The following ZNF251 variants were observed in gnomAD, a reference collection of about 807,000 sequenced individuals.
ZNF251 encodes zinc finger protein 251.
Under a neutral mutation model 13.5 loss-of-function variants are expected in ZNF251, and 14 were observed. The observed-to-expected ratio is 1.04, with a 90% CI of 0.69 to 1.63. The LOEUF is 1.63. Among genes scored for constraint, ZNF251 ranks in the 40% most tolerant of loss-of-function variants. The pLI is 0.00. For missense variants in ZNF251, 764 were observed against 834.9 expected (o/e 0.92, Z 1.05); for synonymous variants, 287 against 295.2 (o/e 0.97, Z 0.28).
rs1052917152 is a variant in ZNF251 at position 144,755,412 on chromosome 8, C to G, written c.-83G>C. On this transcript the variant is annotated 5_prime_UTR_variant, in exon 1 of 5. Coordinates refer to ENST00000292562, the MANE Select transcript of ZNF251 (RefSeq NM_138367.2). ...GGTCCGACACTGCCCCACCTGTTTG[C>G]TCGACCCGGGGAAGCCACCGAGGAA... The G allele has an allele frequency of 1.6e-5, 20 of 1,288,358 alleles. No individual in the cohort carries two copies. The African/African-American group carries it at 2.9e-4, about 19-fold the overall frequency. The allele number at this position is 1,288,358 out of a possible 1,614,324, so 79.8% of individuals were successfully genotyped here.
chr8:144,737,704 C>T (rs1045843359), intron 4 of ZNF251, among the ~76,000 whole-genome samples: 5 of 146,584 alleles, frequency 3.4e-5, no homozygotes, highest in Admixed American at 6.9e-5. Flanking sequence ...TGGTGGCAGG[C>T]GCCTGTAGTC....
intron 4 of ZNF251, among the ~76,000 whole-genome samples, chr8:144,740,713 T>G (rs1824119033): frequency 6.6e-6 from 1 of 151,556 alleles, no homozygotes; most frequent in Admixed American, 6.6e-5. Context: ...GCGGGCAGAT[T>G]GCCTAAGCTC....
intron 4 of ZNF251, among the ~76,000 whole-genome samples, chr8:144,749,675 A>G (rs1220736313): frequency 6.6e-6 from 1 of 151,842 alleles, no homozygotes; most frequent in Admixed American, 6.6e-5. Flanking sequence ...CTTTTTTAGC[A>G]TATCAACTAT....
chr8:144,723,156 A>T lies in ZNF251; in HGVS notation c.504T>A (p.Ala168=), dbSNP rs1383342299. The change falls in exon 5 of 5, where the codon GCT becomes GCA. Residue 168 remains alanine (A), a synonymous_variant. Transcript: ENST00000292562. Reference sequence around the variant, plus strand: ...CCAAAGATCTTTCCCTGCCCACGGTAGCTTCTGTTAAAACTCTCTTGTGAA... The same window carrying T: ...CCAAAGATCTTTCCCTGCCCACGGTTGCTTCTGTTAAAACTCTCTTGTGAA... ...PNIHKRVLTE[A]TVGRERSLGE... is the part of the protein sequence containing the mutation. 1 of 1,612,872 alleles carries T rather than the reference A, an allele frequency of 6.2e-7. No individual in the cohort carries two copies. Among genetic ancestry groups the T allele is most frequent in the Non-Finnish European group, 8.5e-7 (1 of 1,179,354 alleles).
At chr8:144,741,006 T>C (rs949689493) in intron 4 of ZNF251, among the ~76,000 whole-genome samples, 1 of 152,036 alleles carries the variant, frequency 6.6e-6, no homozygotes, top group Admixed American at 6.6e-5. Context: ...TAAAACTGCA[T>C]TTTCAAGGAC....
At chr8:144,723,737 T>C (rs1198312777) in intron 4 of ZNF251, among the ~76,000 whole-genome samples, 4 of 152,210 alleles carry the variant, frequency 2.6e-5, no homozygotes, top group African/African-American at 9.6e-5. Flanking sequence ...CTCAATTAGA[T>C]AGCAAGTAAG....
chr8:144,725,214 C>G (rs148089130), intron 4 of ZNF251, among the ~76,000 whole-genome samples: 1 of 152,216 alleles, frequency 6.6e-6, no homozygotes, highest in Non-Finnish European at 1.5e-5. Flanking sequence ...GGGGTTTCAC[C>G]GTGTTGCCTA....
chr8:144,745,506 C>T (rs960453620), intron 4 of ZNF251, among the ~76,000 whole-genome samples: 2 of 152,106 alleles, frequency 1.3e-5, no homozygotes, highest in African/African-American at 4.8e-5. Context: ...TCCTTATAAA[C>T]ATTACAATCA....
At chr8:144,755,348 CG>C (rs1824912366) in intron 1 of ZNF251, 56 bp downstream of exon 1, 1 of 1,285,602 alleles carries the variant, frequency 7.8e-7, no homozygotes, top group Non-Finnish European at 1.0e-6. Flanking sequence ...GCCCTCCCCG[CG>C]CCCTCCCCGC....
chr8:144,733,602 C>T (rs11986726), intron 4 of ZNF251, among the ~76,000 whole-genome samples: 6,919 of 152,226 alleles, frequency 0.045, 298 homozygotes, highest in African/African-American at 0.1. Flanking sequence ...CCTCCTTGGA[C>T]GTGTTTGCTT....
At chr8:144,732,042 A>G (rs1823712970) in intron 4 of ZNF251, among the ~76,000 whole-genome samples, 1 of 151,360 alleles carries the variant, frequency 6.6e-6, no homozygotes, top group South Asian at 2.1e-4. Context: ...TCTCAGGTTC[A>G]AGTGATTCTC....
intron 1 of ZNF251, 185 bp downstream of exon 1, chr8:144,755,220 C>T (rs998532723): frequency 8.5e-7 from 1 of 1,174,464 alleles, no homozygotes; most frequent in Non-Finnish European, 1.1e-6. Flanking sequence ...CAGCTGTGGT[C>T]CTCAGTCCAG....
intron 4 of ZNF251, among the ~76,000 whole-genome samples, chr8:144,747,873 A>G (rs1824501988): frequency 6.7e-6 from 1 of 149,644 alleles, no homozygotes; most frequent in Admixed American, 6.7e-5. Flanking sequence ...CGGCCTCCCA[A>G]AGTGCTGGGA....
intron 4 of ZNF251, among the ~76,000 whole-genome samples, chr8:144,743,566 T>C (rs1563766465): frequency 6.6e-6 from 1 of 152,216 alleles, no homozygotes; most frequent in Non-Finnish European, 1.5e-5. Flanking sequence ...TTTCAATTCA[T>C]TTGGGTAAAT....
intron 4 of ZNF251, among the ~76,000 whole-genome samples, chr8:144,727,822 T>A (rs971664729): frequency 1.3e-5 from 2 of 152,144 alleles, no homozygotes; most frequent in Non-Finnish European, 2.9e-5. Flanking sequence ...TTACTGTTAT[T>A]TTCTTTTTGA....
chr8:144,721,690 C>G lies in ZNF251; in HGVS notation c.1970G>C (p.Arg657Thr). 1 of 1,371,596 alleles carries G rather than the reference C, an allele frequency of 7.3e-7. No individual in the cohort carries two copies. Among genetic ancestry groups the G allele is most frequent in the Non-Finnish European group, 9.5e-7 (1 of 1,054,272 alleles). 85.0% of individuals were successfully genotyped at this position (1,371,596 alleles called of 1,614,324 possible). Residue 657 changes from arginine (R) to threonine (T), a missense_variant, in exon 5 of 5, where the codon AGA becomes ACA. Transcript: ENST00000292562. ...AATCTTCTTGATATGAATAAAGTATCTTTTAGAGCCATCATTTAAAGCAGG... is the reference window on the plus strand; with the variant it reads ...AATCTTCTTGATATGAATAAAGTATGTTTTAGAGCCATCATTTAAAGCAGG... ...EKPALNDGSK[R>T]YFIHIKKIFQ... is the part of the protein sequence containing the mutation.
chr8:144,744,547 G>A (rs1824326538), intron 4 of ZNF251, among the ~76,000 whole-genome samples: 1 of 152,160 alleles, frequency 6.6e-6, no homozygotes, highest in East Asian at 1.9e-4. Flanking sequence ...TTGGAGATGG[G>A]GTCTTTGAGA....
At chr8:144,739,487 T>A (rs946488629) in intron 4 of ZNF251, among the ~76,000 whole-genome samples, 15 of 152,202 alleles carry the variant, frequency 9.9e-5, no homozygotes, top group African/African-American at 3.4e-4. Context: ...CCTACAGGGC[T>A]TTCTACAAAA....
rs1266845432 is a variant in ZNF251 at position 144,721,413 on chromosome 8, ACCACACGGTTCAACT to A, written c.*216_*230del. 1.2e-5 allele frequency: 5 copies of A among 433,218 alleles called. No homozygotes were observed. The East Asian group carries it at 1.4e-4, about 12-fold the overall frequency. The allele number at this position is 433,218 out of a possible 1,614,324, so 26.8% of individuals were successfully genotyped here. On this transcript the variant is annotated 3_prime_UTR_variant, in exon 5 of 5. Transcript: ENST00000292562. ...TTCGTCATGAGTATCCGGATACAGCACCACACGGTTCAACTCCTGAGCACAGCAGTAACCTTTACA... is the reference window on the plus strand; with the variant it reads ...TTCGTCATGAGTATCCGGATACAGCACCTGAGCACAGCAGTAACCTTTACA...
Sources: allele counts gnomAD v4.1 joint callset (sites outside exome capture counted in the v4.1 genomes callset), GRCh38; gene constraint gnomAD v4.1.1; transcripts MANE v1.5; gene names NCBI Gene and HGNC (gene_info 2026-07-23, HGNC 2026-07-21).